ANKRD55: variants seen among roughly 807,000 people sequenced by gnomAD.
The protein encoded by ANKRD55 is ankyrin repeat domain 55.
A neutral mutation model predicts 60.6 loss-of-function variants in ANKRD55; 41 were observed. The observed-to-expected ratio is 0.68, with a 90% CI of 0.53 to 0.88. The LOEUF (loss-of-function observed/expected upper bound fraction) is 0.88. Ranked by LOEUF, ANKRD55 falls within the 40% of genes least tolerant of loss-of-function variation. The pLI is 0.00. For missense variants in ANKRD55, 732 were observed against 767.6 expected (o/e 0.95, Z 0.55); for synonymous variants, 264 against 290.3 (o/e 0.91, Z 0.92).
intron 11 of ANKRD55, among the ~76,000 whole-genome samples, chr5:56,101,509 C>T (rs1756273486): frequency 6.6e-6 from 1 of 152,084 alleles, no homozygotes; most frequent in African/African-American, 2.4e-5. Context: ...ACTCAGTGTC[C>T]TGTAGTTTTG....
chr5:56,205,998 A>G (rs1301033213), intron 2 of ANKRD55, among the ~76,000 whole-genome samples: 1 of 144,186 alleles, frequency 6.9e-6, no homozygotes, highest in Non-Finnish European at 1.5e-5. Context: ...TCCTGGAGAC[A>G]GAGTCTGACT....
intron 2 of ANKRD55, among the ~76,000 whole-genome samples, chr5:56,196,982 G>A (rs1759241901): frequency 6.6e-6 from 1 of 152,140 alleles, no homozygotes; most frequent in Non-Finnish European, 1.5e-5. Context: ...AGGAGCAGGG[G>A]CAGGGGCCAG....
At chr5:56,153,864 G>C (rs1264950680) in intron 6 of ANKRD55, among the ~76,000 whole-genome samples, 1 of 151,472 alleles carries the variant, frequency 6.6e-6, no homozygotes, top group Admixed American at 6.6e-5. Flanking sequence ...AACAAAAAAG[G>C]AATGAGCCAG....
At position 56,166,158 on chromosome 5, in the gene ANKRD55, T is replaced by TTTCTTTCCTTCCTTCC. The variant is rs1554040812; in HGVS notation, c.422+4535_422+4536insGGAAGGAAGGAAAGAA. On this transcript the variant is annotated intron_variant, in intron 5 of 11. Coordinates refer to ENST00000341048, the MANE Select transcript of ANKRD55 (RefSeq NM_024669.3). ...TCTTTCTTTCTTTCTTTCTTTCTTC[T>TTTCTTTCCTTCCTTCC]TTCCTTCCTTCCTTCCTTCCTTCCT... Among the ~76,000 whole-genome samples the TTTCTTTCCTTCCTTCC allele has an allele frequency of 1.1e-3, 81 of 72,456 alleles. 3 individuals are homozygous for TTTCTTTCCTTCCTTCC. Among genetic ancestry groups the TTTCTTTCCTTCCTTCC allele is most frequent in the East Asian group, 7.9e-3 (10 of 1,268 alleles). The allele number at this position is 72,456 out of a possible 152,430, so 47.5% of individuals were successfully genotyped here. A position where few individuals can be genotyped will look rare whatever the true frequency, so the allele number is the denominator to read the frequency against.
At chr5:56,107,244 C>T (rs1479609008) in intron 10 of ANKRD55, among the ~76,000 whole-genome samples, 4 of 152,074 alleles carry the variant, frequency 2.6e-5, no homozygotes. Flanking sequence ...GGAAATTTAT[C>T]TTATCATGAC....
At chr5:56,185,202 G>A (rs556068715) in intron 2 of ANKRD55, among the ~76,000 whole-genome samples, 2 of 150,384 alleles carry the variant, frequency 1.3e-5, no homozygotes, top group South Asian at 2.1e-4. Context: ...TAGCCTGGGC[G>A]ACAGAGCGAG....
At chr5:56,152,400 A>AAT (rs1263436666) in intron 6 of ANKRD55, among the ~76,000 whole-genome samples, 1 of 152,116 alleles carries the variant, frequency 6.6e-6, no homozygotes, top group Non-Finnish European at 1.5e-5. Flanking sequence ...TGCTTACATA[A>AAT]GAATGTGCAT....
At chr5:56,200,464 A>G (rs187297923) in intron 2 of ANKRD55, among the ~76,000 whole-genome samples, 4 of 152,294 alleles carry the variant, frequency 2.6e-5, no homozygotes, top group Admixed American at 6.5e-5. Context: ...AAATTATCCA[A>G]TGTCAAGGGC....
intron 7 of ANKRD55, 92 bp from the exon 8 acceptor site, chr5:56,127,198 G>C (rs1312632151): frequency 7.5e-7 from 1 of 1,328,374 alleles, no homozygotes; most frequent in East Asian, 2.8e-5. Flanking sequence ...AGGAAAAAAA[G>C]GAAAGAAAGA....
At chr5:56,202,589 C>T (rs1759404759) in intron 2 of ANKRD55, among the ~76,000 whole-genome samples, 1 of 152,138 alleles carries the variant, frequency 6.6e-6, no homozygotes, top group Admixed American at 6.5e-5. Context: ...AAAAATAGCT[C>T]CGAACTTTCC....
intron 7 of ANKRD55, among the ~76,000 whole-genome samples, chr5:56,143,256 T>C (rs763623602): frequency 3.3e-5 from 5 of 152,252 alleles, no homozygotes; most frequent in Admixed American, 1.3e-4. Context: ...TAGTGATTAT[T>C]ATTCTTTCAC....
At position 56,170,575 on chromosome 5, in the gene ANKRD55, A is replaced by AAAG. The variant is rs1380662844; in HGVS notation, c.422+118_422+119insCTT. Reference sequence around the variant, plus strand: ...GGTCCTATCTGCTGCAACTTCAAAAAAAAAAAAAGATGGTTTTCTTTTTCT... The same window carrying AAAG: ...GGTCCTATCTGCTGCAACTTCAAAAAAAGAAAAAAAAGATGGTTTTCTTTTTCT... On this transcript the variant is annotated intron_variant, in intron 5 of 11. Transcript: ENST00000341048. 3 of 808,028 alleles carry AAAG rather than the reference A, an allele frequency of 3.7e-6. No individual in the cohort carries two copies. The African/African-American group carries it at 5.1e-5, about 14-fold the overall frequency. 50.1% of individuals were successfully genotyped at this position (808,028 alleles called of 1,614,324 possible). A position where few individuals can be genotyped will look rare whatever the true frequency, so the allele number is the denominator to read the frequency against.
intron 2 of ANKRD55, among the ~76,000 whole-genome samples, chr5:56,192,246 CAT>C (rs1205913501): frequency 6.6e-6 from 1 of 152,100 alleles, no homozygotes; most frequent in African/African-American, 2.4e-5. Context: ...TGTACGGGTG[CAT>C]AAAGAGAGAT....
chr5:56,137,561 GTAAAAGA>G, intron 7 of ANKRD55: 2 of 647,380 alleles, frequency 3.1e-6, no homozygotes, highest in Non-Finnish European at 2.7e-6. Context: ...GCAATTAAAA[GTAAAAGA>G]AAAAAAAAAA....
At chr5:56,117,337 T>A (rs1024949708) in intron 8 of ANKRD55, among the ~76,000 whole-genome samples, 1 of 152,240 alleles carries the variant, frequency 6.6e-6, no homozygotes, top group African/African-American at 2.4e-5. Flanking sequence ...TATTAAAGTA[T>A]AAGTGTTTTT....
At position 56,163,668 on chromosome 5, in the gene ANKRD55, C is replaced by A. The variant is rs540251521; in HGVS notation, c.423-3775G>T. Among the ~76,000 whole-genome samples, 12 of 152,284 alleles carry A rather than the reference C, an allele frequency of 7.9e-5. No individual in the cohort carries two copies. In the South Asian group the frequency reaches 8.3e-4, roughly 11 times the overall value. The stretch of plus-strand genomic sequence containing the variant: ...ATACCAACCAGCCAGTGACCTTGGG[C>A]GAGCTCCCAGTGCCTACATTTTCTT... On this transcript the variant is annotated intron_variant, in intron 5 of 11. Coordinates refer to ENST00000341048, the MANE Select transcript of ANKRD55 (RefSeq NM_024669.3).
chr5:56,163,978 G>T (rs1191182922), intron 5 of ANKRD55, among the ~76,000 whole-genome samples: 3 of 152,132 alleles, frequency 2.0e-5, no homozygotes, highest in African/African-American at 7.2e-5. Flanking sequence ...TGTAATTCCA[G>T]CTACTAGGGA....
At chr5:56,191,672 T>A (rs181367609) in intron 2 of ANKRD55, among the ~76,000 whole-genome samples, 1 of 152,284 alleles carries the variant, frequency 6.6e-6, no homozygotes, top group East Asian at 1.9e-4. Flanking sequence ...CTTGGCTAGA[T>A]GACCACCAAA....
At chr5:56,117,125 A>G (rs1756908650) in intron 8 of ANKRD55, among the ~76,000 whole-genome samples, 2 of 152,174 alleles carry the variant, frequency 1.3e-5, no homozygotes, top group Non-Finnish European at 2.9e-5. Context: ...TTGTCCTCCT[A>G]CTAGCTATGT....
Sources: gnomAD v4.1 joint callset for allele counts (sites outside exome capture counted in the v4.1 genomes callset) on GRCh38, gnomAD v4.1.1 for gene constraint, MANE v1.5 for transcripts, NCBI Gene and HGNC (gene_info 2026-07-23, HGNC 2026-07-21) for gene names.